The following MAT2B variants were observed in gnomAD, a reference collection of about 807,000 sequenced individuals.
MAT2B encodes the protein methionine adenosyltransferase 2 subunit beta.
Under a neutral mutation model 36.1 loss-of-function variants are expected in MAT2B, and 16 were observed. The observed-to-expected ratio is 0.44, with a 90% confidence interval of 0.30 to 0.67. MAT2B has a LOEUF of 0.67. Among genes scored for constraint, MAT2B ranks in the 30% least tolerant of loss-of-function variants. The pLI, the probability that MAT2B is intolerant of heterozygous loss-of-function variation, is 0.09. For synonymous variants in MAT2B, 148 were observed against 136.9 expected, an observed-to-expected ratio of 1.08 and a Z score of -0.57; for missense variants, 332 against 398.2, an observed-to-expected ratio of 0.83 and a Z score of 1.42.
At chr5:163,506,143 A>T (rs75700971) in intron 1 of MAT2B, among the ~76,000 whole-genome samples, 32,762 of 152,120 alleles carry the variant, frequency 0.22, 4,588 homozygotes, top group Non-Finnish European at 0.32. Context: ...GGAAAAGGTG[A>T]CTTCTCACAA....
intron 4 of MAT2B, 107 bp downstream of exon 4, chr5:163,514,101 AT>A: frequency 1.1e-6 from 1 of 872,578 alleles, no homozygotes; most frequent in Non-Finnish European, 1.6e-6. Flanking sequence ...AATATGAATC[AT>A]TAGAGAAAAA....
rs177249 is a variant in MAT2B at position 163,506,967 on chromosome 5, T to A, written c.63+1218T>A. Among the ~76,000 whole-genome samples the A allele has an allele frequency of 4.7e-3, 719 of 152,328 alleles. 1 individual carries two copies. Among genetic ancestry groups the A allele is most frequent in the Non-Finnish European group, 7.6e-3 (517 of 68,048 alleles). ...TCTCATAGTTAACGTTAGAGAAGCA[T>A]CCTGGAGTGGTTGTTGTTAGTAATA... On this transcript the variant is annotated intron_variant, in intron 1 of 6. Transcript: ENST00000321757.
chr5:163,513,625 C>T lies in MAT2B; in HGVS notation c.329C>T (p.Ser110Phe). 6.2e-7 allele frequency: 1 copy of T among 1,613,980 alleles called. No individual in the cohort carries two copies. The highest frequency in any genetic ancestry group is 8.5e-7 in the Non-Finnish European group (1 of 1,179,914). ...DVVENQPDAA[S>F]QLNVDASGNL... ...GTAGAAAATCAGCCAGATGCTGCCT[C>T]TCAACTTAATGTGGATGCTTCTGGG... Residue 110 changes from serine (S) to phenylalanine (F), a missense_variant, in exon 3 of 7, where the codon TCT (serine) becomes TTT (phenylalanine). By Grantham distance (155) the Ser-to-Phe change is radical. Coordinates refer to ENST00000321757, the MANE Select transcript of MAT2B (RefSeq NM_013283.5).
chr5:163,511,439 CTTTTTTTTTTTT>C (rs60009583), intron 1 of MAT2B, among the ~76,000 whole-genome samples: 11 of 69,536 alleles, frequency 1.6e-4, no homozygotes, highest in Admixed American at 6.3e-4. Flanking sequence ...CTAATTTTTG[CTTTTTTTTTTTT>C]TTTTTTTTTT....
At chr5:163,512,350 A>C (rs913561270) in intron 2 of MAT2B, 154 bp downstream of exon 2, 1 of 662,452 alleles carries the variant, frequency 1.5e-6, no homozygotes, top group African/African-American at 1.8e-5. Flanking sequence ...ATGACATGGT[A>C]TATGTAAACC....
At chr5:163,511,278 T>G (rs202059797) in intron 1 of MAT2B, among the ~76,000 whole-genome samples, 26,079 of 151,468 alleles carry the variant, frequency 0.17, 2,386 homozygotes, top group African/African-American at 0.22. Context: ...AAAAAAATTT[T>G]TTTTTTGAAA....
At chr5:163,507,211 C>T (rs969290626) in intron 1 of MAT2B, among the ~76,000 whole-genome samples, 1 of 152,174 alleles carries the variant, frequency 6.6e-6, no homozygotes, top group South Asian at 2.1e-4. Flanking sequence ...AATAGTATTC[C>T]ATTCTTTACT....
At chr5:163,506,989 A>T (rs1215344221) in intron 1 of MAT2B, among the ~76,000 whole-genome samples, 1 of 152,192 alleles carries the variant, frequency 6.6e-6, no homozygotes, top group African/African-American at 2.4e-5. Flanking sequence ...TGTTGTTAGT[A>T]ATACTGTCTG....
intron 1 of MAT2B, among the ~76,000 whole-genome samples, chr5:163,510,917 A>G (rs1428754494): frequency 1.3e-5 from 2 of 152,218 alleles, no homozygotes; most frequent in Non-Finnish European, 2.9e-5. Flanking sequence ...AAGACCAGAA[A>G]TGTCAGCTTG....
intron 1 of MAT2B, among the ~76,000 whole-genome samples, chr5:163,510,409 T>TTTTTTTTTG (rs1760018591): frequency 6.6e-6 from 1 of 150,638 alleles, no homozygotes; most frequent in African/African-American, 2.4e-5. Flanking sequence ...TTTTTTTTTT[T>TTTTTTTTTG]TTTGAGATGT....
intron 1 of MAT2B, among the ~76,000 whole-genome samples, chr5:163,508,323 T>G (rs537030726): frequency 1.3e-4 from 20 of 152,220 alleles, no homozygotes; most frequent in Admixed American, 8.5e-4. Context: ...CTGCAACCTC[T>G]GCCTCCAGGG....
intron 4 of MAT2B, among the ~76,000 whole-genome samples, chr5:163,514,427 T>C (rs1349406964): frequency 6.6e-6 from 1 of 152,252 alleles, no homozygotes; most frequent in Non-Finnish European, 1.5e-5. Context: ...TTTTCCTGTA[T>C]GTGAGTTTGT....
chr5:163,512,340 A>G, intron 2 of MAT2B, 144 bp downstream of exon 2: 1 of 695,270 alleles, frequency 1.4e-6, no homozygotes, highest in South Asian at 1.7e-5. Context: ...TTCATTTAGC[A>G]TGACATGGTA....
chr5:163,505,992 G>GT lies in MAT2B; in HGVS notation c.63+247dup, dbSNP rs1194405382. Among the ~76,000 whole-genome samples, 8 of 152,250 alleles carry GT rather than the reference G, an allele frequency of 5.3e-5. No homozygotes were observed. The South Asian group carries it at 1.7e-3, about 32-fold the overall frequency. ...TGCGGCAGGAAGCAAGTAGGTGGAG[G>GT]TTTTACTTTCGAGTTCTGTCTCTGC... On this transcript the variant is annotated intron_variant, in intron 1 of 6. Transcript: ENST00000321757.
At chr5:163,503,570 A>C (rs1759881759), upstream of MAT2B, 2 of 793,184 alleles carry the variant, frequency 2.5e-6, no homozygotes, top group African/African-American at 3.4e-5. Flanking sequence ...TAACCTCGGG[A>C]CATGGAAGAA....
rs766779756 is a variant in MAT2B, at chr5:163,513,675, G to A, written c.373+6G>A. 1 of 1,602,754 alleles carries A rather than the reference G, an allele frequency of 6.2e-7. No homozygotes were observed. Among genetic ancestry groups the A allele is most frequent in the Non-Finnish European group, 8.5e-7 (1 of 1,171,992 alleles). ...GAATTTAGCAAAGGAAGCAGGTAAT[G>A]ATGACTTTATAAAATTTTCATAAAA... On this transcript the variant is annotated splice_donor_region_variant and intron_variant, in intron 3 of 6. Coordinates refer to ENST00000321757, the MANE Select transcript of MAT2B (RefSeq NM_013283.5).
At chr5:163,507,861 T>C (rs958510076) in intron 1 of MAT2B, among the ~76,000 whole-genome samples, 2 of 152,232 alleles carry the variant, frequency 1.3e-5, no homozygotes, top group Admixed American at 6.5e-5. Context: ...AAAGTTACCT[T>C]ATTTAAGTAA....
At chr5:163,505,592 G>A, upstream of MAT2B, 4 of 1,248,008 alleles carry the variant, frequency 3.2e-6, no homozygotes, top group Admixed American at 4.2e-5. Context: ...CTGGGCCTAG[G>A]GGAGGCGGGC....
At chr5:163,505,617 C>G, upstream of MAT2B, 3 of 1,249,784 alleles carry the variant, frequency 2.4e-6, no homozygotes, top group East Asian at 3.1e-5. Flanking sequence ...GGCGTCTGAG[C>G]TGAGGCCCGC....
Sources: gnomAD v4.1 joint callset for allele counts (sites outside exome capture counted in the v4.1 genomes callset) on GRCh38, gnomAD v4.1.1 for gene constraint, MANE v1.5 for transcripts, NCBI Gene and HGNC (gene_info 2026-07-23, HGNC 2026-07-21) for gene names.